Variants in SEMA6A observed in about 807,000 individuals in gnomAD.
SEMA6A encodes semaphorin 6A.
In SEMA6A, 25 loss-of-function variants were observed where a neutral mutation model predicts 96.8. That is an observed-to-expected ratio of 0.26 (90% CI 0.19 to 0.36). The LOEUF (loss-of-function observed/expected upper bound fraction) is 0.36. Among genes scored for constraint, SEMA6A ranks in the 10% least tolerant of loss-of-function variants. The pLI is 1.00. For synonymous variants in SEMA6A, 612 were observed against 518.0 expected (o/e 1.18, Z -2.46); for missense variants, 1,363 against 1,323.1 (o/e 1.03, Z -0.47).
chr5:116,464,752 A>G lies in SEMA6A; in HGVS notation c.1894+2831T>C, dbSNP rs116569011. 5.4e-3 allele frequency among the ~76,000 whole-genome samples: 820 copies of G among 152,328 alleles called. 6 individuals are homozygous for G. Among genetic ancestry groups the G allele is most frequent in the South Asian group, 0.018 (85 of 4,822 alleles). ...ATCAAGACGAAAGACATAGCAAGGA[A>G]AAGAAAGAAAAACGCAGCAAACATA... On this transcript the variant is annotated intron_variant, in intron 18 of 18. Transcript: ENST00000343348.
In SEMA6A at chr5:116,502,316, A is replaced by G. The variant is rs760043703; in HGVS notation, c.112T>C (p.Tyr38His). The G allele has an allele frequency of 6.2e-7, 1 of 1,613,846 alleles. No individual in the cohort carries two copies. The highest frequency in any genetic ancestry group is 1.1e-5 in the South Asian group (1 of 91,080). ...SISHGNYTKQYPVFVGHKPGR... is the reference protein window; with the variant it reads ...SISHGNYTKQHPVFVGHKPGR... ...GGCTTGTGGCCCACAAACACCGGAT[A>G]CTGTTTTGTATCTGTGAAAAGAGGA... The change falls in exon 3 of 19, where the codon TAT becomes CAT. Residue 38 changes from tyrosine (Y) to histidine (H), a missense_variant. By Grantham distance (83) the Tyr-to-His change is moderately conservative (BLOSUM62 2). Around this residue, in one of 2 missense-constraint regions of SEMA6A, gnomAD observed 480 missense variants for 559.5 expected, o/e 0.86. Transcript: ENST00000343348.
intron 18 of SEMA6A, among the ~76,000 whole-genome samples, chr5:116,467,018 C>T (rs892738858): frequency 1.2e-4 from 18 of 152,168 alleles, no homozygotes; most frequent in African/African-American, 4.1e-4. Context: ...CATAGCAATT[C>T]TGCTTGATTA....
intron 16 of SEMA6A, among the ~76,000 whole-genome samples, chr5:116,474,257 G>C (rs1008281956): frequency 6.8e-6 from 1 of 147,622 alleles, no homozygotes; most frequent in African/African-American, 2.5e-5. Context: ...TAACTAAGCT[G>C]TTAATAAAGC....
Position 116,448,214 on chromosome 5 carries a change from C to T in SEMA6A, c.1895-403G>A, listed in dbSNP as rs559425732. 3.4e-5 allele frequency among the ~76,000 whole-genome samples: 5 copies of T among 145,066 alleles called. No homozygotes were observed. The East Asian group carries it at 6.0e-4, about 17-fold the overall frequency. ...AAAAAAAATTAGCCAGGCGCGGTGG[C>T]GGGGGCTTGTGATCCTAGGTACTCC... On this transcript the variant is annotated intron_variant, in intron 18 of 18. Coordinates refer to ENST00000343348, the MANE Select transcript of SEMA6A (RefSeq NM_020796.5).
At chr5:116,502,885 A>G (rs1219185251) in intron 2 of SEMA6A, among the ~76,000 whole-genome samples, 1 of 152,242 alleles carries the variant, frequency 6.6e-6, no homozygotes. Context: ...GCATTCTAGG[A>G]ACTGTGGGAA....
chr5:116,478,555 A>G lies in SEMA6A; in HGVS notation c.1414T>C (p.Tyr472His). The G allele has an allele frequency of 6.2e-7, 1 of 1,611,326 alleles. No homozygotes were observed. ...TATTCCACTTACTTTTCAGAGTTGT[A>G]AACACTCATCTCCTCCAGGAAAAGG... is the stretch of plus-strand genomic sequence containing the variant. ...DSLFLEEMSV[Y>H]NSEKCSYDGV... Residue 472 changes from tyrosine (Y) to histidine (H), a missense_variant, in exon 13 of 19, where the codon TAC becomes CAC. This residue lies in a region of SEMA6A where 883 missense variants were observed against 763.6 expected (regional missense o/e 1.16). Coordinates refer to ENST00000343348, the MANE Select transcript of SEMA6A (RefSeq NM_020796.5).
chr5:116,544,077 T>C (rs1301699758), intron 1 of SEMA6A, among the ~76,000 whole-genome samples: 1 of 152,204 alleles, frequency 6.6e-6, no homozygotes, highest in East Asian at 1.9e-4. Context: ...CTGGGGTACT[T>C]GAATTTGAAG....
intron 18 of SEMA6A, 36 bp downstream of exon 18, chr5:116,467,537 TTCCCTCCCTC>T (rs755180443): frequency 3.8e-5 from 59 of 1,560,492 alleles, no homozygotes; most frequent in Non-Finnish European, 4.9e-5. Flanking sequence ...CTCCCCACTT[TTCCCTCCCTC>T]TCCCCCGAGA....
rs1243504633 is a variant in SEMA6A at position 116,444,314 on chromosome 5, C to G, written c.*2299G>C. ...TAATGGACTTTTGGAACAAAGGGCT[C>G]TCACCCACCCTCAGCTAAGTACTCA... On this transcript the variant is annotated 3_prime_UTR_variant, in exon 19 of 19. Transcript: ENST00000343348. The G allele has an allele frequency of 2.0e-5, 3 of 151,858 alleles. No homozygotes were observed. The highest frequency in any genetic ancestry group is 4.4e-5 in the Non-Finnish European group (3 of 68,014). 9.4% of individuals were successfully genotyped at this position (151,858 alleles called of 1,614,324 possible).
chr5:116,519,366 C>A (rs993645391), intron 1 of SEMA6A, among the ~76,000 whole-genome samples: 5 of 152,216 alleles, frequency 3.3e-5, no homozygotes, highest in Non-Finnish European at 7.4e-5. Context: ...TTGGGAGGTA[C>A]AAGCAAGAAC....
At chr5:116,456,019 T>C (rs538379133) in intron 18 of SEMA6A, among the ~76,000 whole-genome samples, 14 of 152,346 alleles carry the variant, frequency 9.2e-5, no homozygotes, top group African/African-American at 3.1e-4. Context: ...TCTAGAATGT[T>C]TGACAAGTTG....
At chr5:116,523,289 T>G (rs1759047299) in intron 1 of SEMA6A, among the ~76,000 whole-genome samples, 1 of 152,160 alleles carries the variant, frequency 6.6e-6, no homozygotes, top group Admixed American at 6.5e-5. Flanking sequence ...TCTTGGGGTT[T>G]AAGGTCTTAC....
chr5:116,570,829 A>G (rs1206675790), intron 1 of SEMA6A, among the ~76,000 whole-genome samples: 1 of 152,220 alleles, frequency 6.6e-6, no homozygotes, highest in African/African-American at 2.4e-5. Context: ...CTTTTAAAGC[A>G]TAACTACTTA....
At position 116,444,097 on chromosome 5, in the gene SEMA6A, A is replaced by C. The variant is rs1447050995; in HGVS notation, c.*2516T>G. 7 of 152,166 alleles carry C rather than the reference A, an allele frequency of 4.6e-5. No homozygotes were observed. Among genetic ancestry groups the C allele is most frequent in the African/African-American group, 1.7e-4 (7 of 41,422 alleles). 9.4% of individuals were successfully genotyped at this position (152,166 alleles called of 1,614,324 possible). A position where few individuals can be genotyped will look rare whatever the true frequency, so the allele number is the denominator to read the frequency against. ...GAAAGAAGGGGGCAGGGGGATACAG[A>C]CCCATCACCTTCCTAATTTCTGCAT... On this transcript the variant is annotated 3_prime_UTR_variant, in exon 19 of 19. Coordinates refer to ENST00000343348, the MANE Select transcript of SEMA6A (RefSeq NM_020796.5).
At chr5:116,514,222 T>A (rs1231962168) in intron 1 of SEMA6A, among the ~76,000 whole-genome samples, 1 of 152,216 alleles carries the variant, frequency 6.6e-6, no homozygotes, top group Non-Finnish European at 1.5e-5. Flanking sequence ...TCTTCCAGAA[T>A]GGTTGAACTA....
intron 18 of SEMA6A, among the ~76,000 whole-genome samples, chr5:116,460,783 CTT>C (rs57285277): frequency 0.021 from 2,585 of 122,806 alleles, 26 homozygotes; most frequent in African/African-American, 0.045. Context: ...TTGTTAATCT[CTT>C]TTTTTTTTTT....
chr5:116,518,409 C>A (rs1227051065), intron 1 of SEMA6A, among the ~76,000 whole-genome samples: 2 of 152,190 alleles, frequency 1.3e-5, no homozygotes, highest in Non-Finnish European at 2.9e-5. Context: ...CACCAATTAA[C>A]CCCTAAATCA....
chr5:116,532,198 T>C (rs1759513677), intron 1 of SEMA6A, among the ~76,000 whole-genome samples: 1 of 152,188 alleles, frequency 6.6e-6, no homozygotes, highest in South Asian at 2.1e-4. Flanking sequence ...GTCAACACCA[T>C]TTCTTGATGT....
chr5:116,467,863 C>G (rs1162070885), intron 17 of SEMA6A, 116 bp from the exon 18 acceptor site: 3 of 1,002,284 alleles, frequency 3.0e-6, no homozygotes, highest in Non-Finnish European at 4.3e-6. Context: ...AGGAGATGGC[C>G]CTAGAAATGA....
Sources: allele counts gnomAD v4.1 joint callset (sites outside exome capture counted in the v4.1 genomes callset), GRCh38; gene constraint gnomAD v4.1.1; regional missense constraint gnomAD v4.1.1; transcripts MANE v1.5; gene names NCBI Gene and HGNC (gene_info 2026-07-23, HGNC 2026-07-21).